SLC8A1: variants seen among roughly 807,000 people sequenced by gnomAD.
SLC8A1 encodes the protein solute carrier family 8 member A1.
In SLC8A1, 18 loss-of-function variants were observed where a neutral mutation model predicts 68.3. The observed-to-expected ratio is 0.26, with a 90% confidence interval of 0.18 to 0.39. SLC8A1 has a LOEUF of 0.39. Among genes scored for constraint, SLC8A1 ranks in the 10% least tolerant of loss-of-function variants. The pLI is 1.00. For missense variants in SLC8A1, 985 were observed against 1,156.7 expected (o/e 0.85, Z 2.15); for synonymous variants, 475 against 415.5 (o/e 1.14, Z -1.74).
intron 7 of SLC8A1, among the ~76,000 whole-genome samples, chr2:40,125,069 G>C (rs1233299515): frequency 6.6e-6 from 1 of 152,220 alleles, no homozygotes; most frequent in African/African-American, 2.4e-5. Context: ...CAAAGAGCAT[G>C]TATTGTTTAT....
At chr2:40,225,294 G>A (rs1050007147) in intron 2 of SLC8A1, among the ~76,000 whole-genome samples, 1 of 152,100 alleles carries the variant, frequency 6.6e-6, no homozygotes, top group Non-Finnish European at 1.5e-5. Flanking sequence ...TAGTGGAAAT[G>A]ATAAAATGAT....
At chr2:40,464,236 A>C (rs1008130167) in intron 1 of SLC8A1, among the ~76,000 whole-genome samples, 15 of 152,170 alleles carry the variant, frequency 9.9e-5, no homozygotes, top group African/African-American at 3.6e-4. Flanking sequence ...AGTTCCCTGA[A>C]CCAGATAGGT....
At chr2:40,142,060 A>G (rs779718410) in intron 6 of SLC8A1, among the ~76,000 whole-genome samples, 3 of 152,216 alleles carry the variant, frequency 2.0e-5, no homozygotes, top group Non-Finnish European at 2.9e-5. Context: ...CAGCAGCCCT[A>G]GCAAACTACA....
At chr2:40,203,693 C>A (rs2054839265) in intron 2 of SLC8A1, among the ~76,000 whole-genome samples, 1 of 151,860 alleles carries the variant, frequency 6.6e-6, no homozygotes, top group East Asian at 1.9e-4. Context: ...CAAATGCCTG[C>A]ATTCTAATAT....
At chr2:40,121,969 G>A (rs1411432862) in intron 7 of SLC8A1, among the ~76,000 whole-genome samples, 4 of 152,116 alleles carry the variant, frequency 2.6e-5, no homozygotes, top group African/African-American at 7.2e-5. Context: ...ACTAATGGCT[G>A]TAAGGTAGAT....
At chr2:40,264,601 C>CA (rs1433381994) in intron 2 of SLC8A1, among the ~76,000 whole-genome samples, 1 of 151,978 alleles carries the variant, frequency 6.6e-6, no homozygotes, top group Non-Finnish European at 1.5e-5. Context: ...ATCACAAGGA[C>CA]AAAAAACCAA....
intron 1 of SLC8A1, among the ~76,000 whole-genome samples, chr2:40,463,851 C>T (rs866479494): frequency 0.092 from 9,800 of 106,736 alleles, 428 homozygotes; most frequent in Middle Eastern, 0.17. Flanking sequence ...CACACACACA[C>T]ACACACACAC....
At chr2:40,356,429 T>A (rs578093790) in intron 2 of SLC8A1, among the ~76,000 whole-genome samples, 1 of 152,264 alleles carries the variant, frequency 6.6e-6, no homozygotes, top group East Asian at 1.9e-4. Flanking sequence ...TTATAATGCA[T>A]TTATGATGCT....
chr2:40,372,082 C>T (rs1678288549), intron 2 of SLC8A1, among the ~76,000 whole-genome samples: 1 of 152,082 alleles, frequency 6.6e-6, no homozygotes, highest in Non-Finnish European at 1.5e-5. Flanking sequence ...TGATAAACCC[C>T]TCTTAATGCA....
chr2:40,238,030 A>C (rs2060648383), intron 2 of SLC8A1, among the ~76,000 whole-genome samples: 2 of 152,210 alleles, frequency 1.3e-5, no homozygotes, highest in African/African-American at 4.8e-5. Context: ...GGGACATTTA[A>C]GTCTGCAAAA....
intron 2 of SLC8A1, among the ~76,000 whole-genome samples, chr2:40,252,559 C>A (rs1042371627): frequency 6.6e-6 from 1 of 152,058 alleles, no homozygotes; most frequent in South Asian, 2.1e-4. Context: ...GACTCAAACT[C>A]CTGACCTCAA....
intron 2 of SLC8A1, among the ~76,000 whole-genome samples, chr2:40,238,275 C>T (rs1377847653): frequency 3.9e-5 from 6 of 152,226 alleles, no homozygotes; most frequent in Non-Finnish European, 7.3e-5. Flanking sequence ...GGCGTAGGAC[C>T]CTCCCAGCCA....
chr2:40,495,046 G>T (rs919792131), intron 1 of SLC8A1, among the ~76,000 whole-genome samples: 1 of 152,000 alleles, frequency 6.6e-6, no homozygotes, highest in East Asian at 1.9e-4. Context: ...AAATCATACT[G>T]CTGGGAGGTG....
At chr2:40,445,289 T>A (rs570971708) in intron 1 of SLC8A1, among the ~76,000 whole-genome samples, 1 of 152,256 alleles carries the variant, frequency 6.6e-6, no homozygotes, top group African/African-American at 2.4e-5. Flanking sequence ...AGACCTTTAG[T>A]CTGAGGACCC....
At chr2:40,280,925 C>G (rs1651243667) in intron 2 of SLC8A1, among the ~76,000 whole-genome samples, 1 of 152,186 alleles carries the variant, frequency 6.6e-6, no homozygotes, top group Admixed American at 6.5e-5. Flanking sequence ...TACAGTAACT[C>G]AGCACGTTGT....
At chr2:40,438,785 G>A (rs926754260) in intron 1 of SLC8A1, among the ~76,000 whole-genome samples, 2 of 152,126 alleles carry the variant, frequency 1.3e-5, no homozygotes, top group African/African-American at 4.8e-5. Context: ...AGATACAGTT[G>A]AGGAATCTCC....
chr2:40,222,253 C>G (rs2058433865), intron 2 of SLC8A1, among the ~76,000 whole-genome samples: 3 of 152,096 alleles, frequency 2.0e-5, no homozygotes, highest in Non-Finnish European at 4.4e-5. Context: ...TTTGACAAAC[C>G]TGACCAAAAC....
At chr2:40,215,233 A>C (rs1389237364) in intron 2 of SLC8A1, among the ~76,000 whole-genome samples, 1 of 152,056 alleles carries the variant, frequency 6.6e-6, no homozygotes, top group African/African-American at 2.4e-5. Flanking sequence ...TGGTGTGTTC[A>C]TGGCTCACTG....
intron 2 of SLC8A1, among the ~76,000 whole-genome samples, chr2:40,377,960 A>T (rs1680459829): frequency 6.6e-6 from 1 of 151,884 alleles, no homozygotes; most frequent in Non-Finnish European, 1.5e-5. Flanking sequence ...TCTACCACAA[A>T]CTCCAACTTC....
Sources: allele counts gnomAD v4.1 joint callset (sites outside exome capture counted in the v4.1 genomes callset), GRCh38; gene constraint gnomAD v4.1.1; transcripts MANE v1.5; gene names NCBI Gene and HGNC (gene_info 2026-07-23, HGNC 2026-07-21).